Variants in CLSTN2 observed in about 807,000 individuals in gnomAD.
CLSTN2 encodes the protein calsyntenin-2.
Under a neutral mutation model 101.2 loss-of-function variants are expected in CLSTN2, and 48 were observed. The observed-to-expected ratio is 0.47, with a 90% CI of 0.38 to 0.60. The LOEUF (loss-of-function observed/expected upper bound fraction) is 0.60, where lower values mean the gene tolerates loss of function less well. Among genes scored for constraint, CLSTN2 ranks in the 20% least tolerant of loss-of-function variants. The probability of loss-of-function intolerance (pLI) is 0.00; values close to 1 mark genes in which losing one functional copy is unlikely to be tolerated. For synonymous variants in CLSTN2, 481 were observed against 463.6 expected, an observed-to-expected ratio of 1.04 and a Z score of -0.48; for missense variants, 1,160 against 1,238.2, an observed-to-expected ratio of 0.94 and a Z score of 0.95.
chr3:140,164,117 G>A (rs954286889), intron 1 of CLSTN2, among the ~76,000 whole-genome samples: 2 of 152,100 alleles, frequency 1.3e-5, no homozygotes, highest in African/African-American at 4.8e-5. Flanking sequence ...GCTGACTCTA[G>A]CAAGTGAATG....
chr3:140,461,364 A>G (rs1366642112), intron 7 of CLSTN2: 1 of 152,274 alleles, frequency 6.6e-6, no homozygotes, highest in Non-Finnish European at 1.5e-5. Flanking sequence ...CCAGCATCCC[A>G]ATGAGACAAC....
At chr3:140,347,303 A>AAG (rs2087559411) in intron 2 of CLSTN2, among the ~76,000 whole-genome samples, 2 of 152,220 alleles carry the variant, frequency 1.3e-5, no homozygotes, top group Non-Finnish European at 2.9e-5. Context: ...CATGGAATCT[A>AAG]AGAGAGGGTT....
intron 2 of CLSTN2, among the ~76,000 whole-genome samples, chr3:140,183,289 A>G (rs2010436288): frequency 6.6e-6 from 1 of 152,192 alleles, no homozygotes; most frequent in Non-Finnish European, 1.5e-5. Flanking sequence ...GAGACAGACT[A>G]TCCTGGTTTG....
At chr3:140,312,507 T>C (rs1482947418) in intron 2 of CLSTN2, among the ~76,000 whole-genome samples, 1 of 152,230 alleles carries the variant, frequency 6.6e-6, no homozygotes, top group African/African-American at 2.4e-5. Flanking sequence ...ATTCTTTCTG[T>C]AGAATTTGAG....
At chr3:140,374,828 T>G (rs2087898300) in intron 2 of CLSTN2, among the ~76,000 whole-genome samples, 1 of 152,228 alleles carries the variant, frequency 6.6e-6, no homozygotes, top group African/African-American at 2.4e-5. Flanking sequence ...CAATTTTGCC[T>G]GATTGCTGTT....
At chr3:140,560,557 G>C (rs1935890507) in intron 12 of CLSTN2, among the ~76,000 whole-genome samples, 1 of 135,494 alleles carries the variant, frequency 7.4e-6, no homozygotes, top group South Asian at 2.6e-4. Flanking sequence ...CCTTGGTGGT[G>C]ATTTCCTGTT....
At chr3:140,329,688 G>A (rs889993180) in intron 2 of CLSTN2, among the ~76,000 whole-genome samples, 2 of 152,308 alleles carry the variant, frequency 1.3e-5, no homozygotes, top group East Asian at 3.9e-4. Context: ...ATGGGGTAAA[G>A]ATCCAAGCTC....
chr3:140,409,322 G>A lies in CLSTN2; in HGVS notation c.637+4556G>A, dbSNP rs148536364. Among the ~76,000 whole-genome samples the A allele has an allele frequency of 9.3e-4, 141 of 152,208 alleles. 2 individuals carry two copies. The East Asian group carries it at 0.013, about 14-fold the overall frequency. On this transcript the variant is annotated intron_variant, in intron 4 of 16. Transcript: ENST00000458420. ...ACGAGTCCTTTGTCACTGGACCCAG[G>A]GCACCACTGAGTATACCTACAGTCC...
chr3:140,138,628 C>T (rs1463042896), intron 1 of CLSTN2, among the ~76,000 whole-genome samples: 1 of 152,042 alleles, frequency 6.6e-6, no homozygotes, highest in Non-Finnish European at 1.5e-5. Context: ...GTTTTGTGGC[C>T]CCGGAAAGCA....
chr3:140,558,774 C>A lies in CLSTN2; in HGVS notation c.1958C>A (p.Ala653Asp), dbSNP rs776879283. 2 of 1,613,890 alleles carry A rather than the reference C, an allele frequency of 1.2e-6. No individual in the cohort carries two copies. The highest frequency in any genetic ancestry group is 1.3e-5 in the African/African-American group (1 of 74,880). ...FWRPAAQFESARGVTLFPDIK... is the reference protein window; with the variant it reads ...FWRPAAQFESDRGVTLFPDIK... ...AGACCTGCTGCCCAGTTTGAAAGTG[C>A]CAGGGGAGTGACCCTCTTCCCTGAT... The change falls in exon 12 of 17, where the codon GCC becomes GAC. Residue 653 changes from alanine (A) to aspartate (D), a missense_variant. Coordinates refer to ENST00000458420, the MANE Select transcript of CLSTN2 (RefSeq NM_022131.3).
intron 2 of CLSTN2, among the ~76,000 whole-genome samples, chr3:140,184,562 T>A (rs2010458363): frequency 6.6e-6 from 1 of 151,806 alleles, no homozygotes; most frequent in Admixed American, 6.6e-5. Flanking sequence ...CAATTCGAGA[T>A]GAGATTCTAG....
chr3:140,241,380 G>T (rs1247986814), intron 2 of CLSTN2, among the ~76,000 whole-genome samples: 2 of 152,146 alleles, frequency 1.3e-5, no homozygotes, highest in Non-Finnish European at 2.9e-5. Context: ...TTGGATGAGG[G>T]AGAGGAGAGT....
chr3:140,281,951 G>A (rs1171770044), intron 2 of CLSTN2, among the ~76,000 whole-genome samples: 2 of 151,886 alleles, frequency 1.3e-5, no homozygotes, highest in Non-Finnish European at 2.9e-5. Flanking sequence ...AAGGAGTCAG[G>A]CAATTGGCCA....
rs1410664460 is a variant in CLSTN2 at position 140,490,133 on chromosome 3, C to T, written c.1344+23402C>T. Among the ~76,000 whole-genome samples the T allele has an allele frequency of 7.1e-4, 34 of 47,770 alleles. 3 individuals carry two copies. The highest frequency in any genetic ancestry group is 2.7e-3 in the East Asian group (2 of 728). The allele number at this position is 47,770 out of a possible 152,430, so 31.3% of individuals were successfully genotyped here. A position where few individuals can be genotyped will look rare whatever the true frequency, so the allele number is the denominator to read the frequency against. Reference sequence around the variant, plus strand: ...ATATATATATACACACACACACACACACACACACACACACACACACACACA... The same window carrying T: ...ATATATATATACACACACACACACATACACACACACACACACACACACACA... On this transcript the variant is annotated intron_variant, in intron 8 of 16. Transcript: ENST00000458420.
At chr3:140,086,336 C>T (rs954314632) in intron 1 of CLSTN2, among the ~76,000 whole-genome samples, 15 of 152,284 alleles carry the variant, frequency 9.9e-5, no homozygotes, top group Admixed American at 9.8e-4. Flanking sequence ...AGCTGGACTT[C>T]ATCAATTTAA....
chr3:139,991,464 C>T (rs930979872), intron 1 of CLSTN2, among the ~76,000 whole-genome samples: 3 of 152,044 alleles, frequency 2.0e-5, no homozygotes, highest in African/African-American at 7.3e-5. Flanking sequence ...TAGCAGTTCC[C>T]GAGAAACCAA....
intron 9 of CLSTN2, among the ~76,000 whole-genome samples, chr3:140,542,619 C>T (rs1935505163): frequency 6.6e-6 from 1 of 152,114 alleles, no homozygotes; most frequent in Non-Finnish European, 1.5e-5. Context: ...AAATTTTATA[C>T]TGGCCTCCTG....
intron 1 of CLSTN2, among the ~76,000 whole-genome samples, chr3:140,041,557 C>G (rs993401273): frequency 6.6e-6 from 1 of 152,164 alleles, no homozygotes; most frequent in Non-Finnish European, 1.5e-5. Flanking sequence ...CATGCCCCCA[C>G]CTGTCATTTT....
At chr3:140,175,847 G>A in intron 1 of CLSTN2, 104 bp from the exon 2 acceptor site, 1 of 1,091,468 alleles carries the variant, frequency 9.2e-7, no homozygotes, top group Admixed American at 2.3e-5. Context: ...GGGATTGTTG[G>A]ATGAGAGTCT....
Sources: gnomAD v4.1 joint callset for allele counts (sites outside exome capture counted in the v4.1 genomes callset) on GRCh38, gnomAD v4.1.1 for gene constraint, MANE v1.5 for transcripts, NCBI Gene and HGNC (gene_info 2026-07-23, HGNC 2026-07-21) for gene names.